Variants in CAMTA1 observed in about 807,000 individuals in gnomAD.
CAMTA1 encodes calmodulin-binding transcription activator 1.
CAMTA1 carries 27 observed loss-of-function variants against 170.9 expected under a neutral mutation model. That is an observed-to-expected ratio of 0.16 (90% CI 0.12 to 0.22). The LOEUF (loss-of-function observed/expected upper bound fraction) is 0.22. Ranked by LOEUF, CAMTA1 falls within the 10% of genes least tolerant of loss-of-function variation. The pLI is 1.00. For missense variants in CAMTA1, 1,619 were observed against 2,217.2 expected, an observed-to-expected ratio of 0.73 and a Z score of 5.42; for synonymous variants, 833 against 891.5, an observed-to-expected ratio of 0.93 and a Z score of 1.17.
chr1:7,544,670 G>A (rs996491748), intron 6 of CAMTA1, among the ~76,000 whole-genome samples: 10 of 152,242 alleles, frequency 6.6e-5, no homozygotes, highest in Non-Finnish European at 1.5e-4. Flanking sequence ...AATGTAGAAA[G>A]AAAAGGGGTT....
chr1:6,921,369 G>A (rs1253366949), intron 3 of CAMTA1, among the ~76,000 whole-genome samples: 1 of 152,112 alleles, frequency 6.6e-6, no homozygotes, highest in Non-Finnish European at 1.5e-5. Flanking sequence ...GGACCTTATT[G>A]TTCATATCAT....
intron 3 of CAMTA1, among the ~76,000 whole-genome samples, chr1:6,967,873 T>C (rs1251136815): frequency 2.0e-5 from 3 of 152,144 alleles, no homozygotes; most frequent in African/African-American, 7.2e-5. Flanking sequence ...GAAAAATCGG[T>C]AGGATCCCTG....
rs1646099337 is a variant in CAMTA1, at chr1:7,144,962, C to T, written c.302+53591C>T. ...CAGGAAGGCCGAGTAACCTCTCAAGCTCTGCAGCGGTTGGGAGGCTGAGCT... is the reference window on the plus strand; with the variant it reads ...CAGGAAGGCCGAGTAACCTCTCAAGTTCTGCAGCGGTTGGGAGGCTGAGCT... On this transcript the variant is annotated intron_variant, in intron 4 of 22. Coordinates refer to ENST00000303635, the MANE Select transcript of CAMTA1 (RefSeq NM_015215.4). This position sits in a 1 kb window ranked among gnomAD's most constrained non-coding sequence, Gnocchi z 4.0. Among the ~76,000 whole-genome samples the T allele has an allele frequency of 6.6e-6, 1 of 152,270 alleles. No individual in the cohort carries two copies. Among genetic ancestry groups the T allele is most frequent in the African/African-American group, 2.4e-5 (1 of 41,478 alleles).
intron 5 of CAMTA1, among the ~76,000 whole-genome samples, chr1:7,250,152 G>T (rs1014560220): frequency 6.6e-6 from 1 of 152,208 alleles, no homozygotes; most frequent in Non-Finnish European, 1.5e-5. Flanking sequence ...TTGGGGTCCT[G>T]CAGAAACATC....
chr1:7,139,068 GTTTA>G (rs1404386679), intron 4 of CAMTA1, among the ~76,000 whole-genome samples: 27 of 119,432 alleles, frequency 2.3e-4, no homozygotes, highest in Middle Eastern at 4.4e-3. Flanking sequence ...TTTATTATTT[GTTTA>G]TTTATATTTA....
At chr1:6,801,280 C>T (rs1178875946) in intron 1 of CAMTA1, among the ~76,000 whole-genome samples, 1 of 152,154 alleles carries the variant, frequency 6.6e-6, no homozygotes, top group Admixed American at 6.5e-5. Context: ...GTGATAGTGG[C>T]GACCTCTCTA....
chr1:7,581,514 G>A (rs1285110031), intron 6 of CAMTA1, among the ~76,000 whole-genome samples: 1 of 152,210 alleles, frequency 6.6e-6, no homozygotes, highest in East Asian at 1.9e-4. Flanking sequence ...CAATGGTGGG[G>A]CTGGGTGCCA....
In CAMTA1 at chr1:7,723,226, C is replaced by G. The variant is rs190805500; in HGVS notation, c.2915-9222C>G. On this transcript the variant is annotated intron_variant, in intron 11 of 22. Transcript: ENST00000303635. ...GGGGAAATGAGAGATGAATCTGGAG[C>G]ATCTTGTAATGCCAGAAAGGAAGGA... Among the ~76,000 whole-genome samples, 523 of 152,068 alleles carry G rather than the reference C, an allele frequency of 3.4e-3. 3 individuals carry two copies. The highest frequency in any genetic ancestry group is 0.012 in the African/African-American group (505 of 41,464).
chr1:7,597,611 G>A (rs1173368947), intron 6 of CAMTA1, among the ~76,000 whole-genome samples: 3 of 152,096 alleles, frequency 2.0e-5, no homozygotes, highest in Non-Finnish European at 4.4e-5. Flanking sequence ...TGATTGTGGG[G>A]CTCCAAATTC....
intron 5 of CAMTA1, among the ~76,000 whole-genome samples, chr1:7,310,702 CTTTCTT>C (rs1259130634): frequency 0.012 from 603 of 48,646 alleles, 40 homozygotes; most frequent in African/African-American, 0.027. Flanking sequence ...CTCTCTCTCT[CTTTCTT>C]TCTTTCTTTC....
intron 3 of CAMTA1, among the ~76,000 whole-genome samples, chr1:6,826,024 T>C (rs764841412): frequency 6.6e-5 from 10 of 152,240 alleles, no homozygotes; most frequent in Non-Finnish European, 1.0e-4. Context: ...TGGCTCAACA[T>C]TGATGTCCAA....
At chr1:7,758,968 A>G (rs905449369) in intron 22 of CAMTA1, among the ~76,000 whole-genome samples, 5 of 149,608 alleles carry the variant, frequency 3.3e-5, no homozygotes, top group Admixed American at 2.7e-4. Flanking sequence ...TAATATACTT[A>G]TTTTGTTAAT....
chr1:7,009,941 C>T (rs1699551246), intron 3 of CAMTA1, among the ~76,000 whole-genome samples: 1 of 152,194 alleles, frequency 6.6e-6, no homozygotes, highest in African/African-American at 2.4e-5. Context: ...CCCATTTGAG[C>T]TCTGGGCCTT....
chr1:6,798,696 A>G (rs960665522), intron 1 of CAMTA1, among the ~76,000 whole-genome samples: 1 of 134,726 alleles, frequency 7.4e-6, no homozygotes, highest in Non-Finnish European at 1.6e-5. Context: ...TCCCGGGTTC[A>G]CGCCATTCTC....
chr1:7,427,330 G>T lies in CAMTA1; in HGVS notation c.439-40500G>T, dbSNP rs79244212. On this transcript the variant is annotated intron_variant, in intron 5 of 22. Transcript: ENST00000303635. ...AGATTAATGCTTAGCTATTTGGGCT[G>T]CAGGAGCACAAATGTAATATTTATA... is the stretch of plus-strand genomic sequence containing the variant. Among the ~76,000 whole-genome samples the T allele has an allele frequency of 2.2e-4, 34 of 152,240 alleles. No homozygotes were observed. In the East Asian group the frequency reaches 6.4e-3, roughly 29 times the overall value.
chr1:6,985,299 T>G (rs1041256673), intron 3 of CAMTA1, among the ~76,000 whole-genome samples: 2 of 152,188 alleles, frequency 1.3e-5, no homozygotes, highest in Non-Finnish European at 2.9e-5. Flanking sequence ...AGATGCCCAC[T>G]GTGAATGGGA....
intron 11 of CAMTA1, among the ~76,000 whole-genome samples, chr1:7,699,202 C>G (rs1490622718): frequency 3.9e-5 from 6 of 152,158 alleles, no homozygotes; most frequent in Admixed American, 1.3e-4. Context: ...GTGCAGTCAT[C>G]ACCACAAACT....
At chr1:7,666,370 C>G (rs2096001855) in intron 9 of CAMTA1, among the ~76,000 whole-genome samples, 1 of 152,112 alleles carries the variant, frequency 6.6e-6, no homozygotes, top group Non-Finnish European at 1.5e-5. Flanking sequence ...TCATAGGACG[C>G]AGGATTCCAA....
At chr1:7,119,206 C>A (rs1007334817) in intron 4 of CAMTA1, among the ~76,000 whole-genome samples, 1 of 152,186 alleles carries the variant, frequency 6.6e-6, no homozygotes, top group African/African-American at 2.4e-5. Flanking sequence ...TAAAACGACT[C>A]CTTTGGTGCA....
Sources: gnomAD v4.1 joint callset for allele counts (sites outside exome capture counted in the v4.1 genomes callset) on GRCh38, gnomAD v4.1.1 for gene constraint, Gnocchi (gnomAD v3.1) non-coding constraint, MANE v1.5 for transcripts, NCBI Gene and HGNC (gene_info 2026-07-23, HGNC 2026-07-21) for gene names.